Variants in ANKAR observed in about 807,000 individuals in gnomAD.
ANKAR encodes ankyrin and armadillo repeat-containing protein.
Under a neutral mutation model 146.2 loss-of-function variants are expected in ANKAR, and 136 were observed. That is an observed-to-expected ratio of 0.93 (90% CI 0.81 to 1.07). The LOEUF (loss-of-function observed/expected upper bound fraction) is 1.07. Among genes scored for constraint, ANKAR ranks in the 50% least tolerant of loss-of-function variants. The pLI, the probability that ANKAR is intolerant of heterozygous loss-of-function variation, is 0.00. For missense variants in ANKAR, 1,567 were observed against 1,679.9 expected, an observed-to-expected ratio of 0.93 and a Z score of 1.18; for synonymous variants, 500 against 575.8, an observed-to-expected ratio of 0.87 and a Z score of 1.88.
intron 21 of ANKAR, 122 bp from the exon 22 acceptor site, chr2:189,744,620 G>C (rs539732127): frequency 5.0e-6 from 3 of 603,218 alleles, no homozygotes; most frequent in African/African-American, 1.9e-5. Context: ...GAGGTAACAT[G>C]TATGAATTAG....
chr2:189,729,703 T>TGTGTGTGTGTGTGTGC (rs1480424151), intron 15 of ANKAR, among the ~76,000 whole-genome samples: 2 of 146,292 alleles, frequency 1.4e-5, no homozygotes, highest in African/African-American at 4.9e-5. Flanking sequence ...TGCGTGTGTG[T>TGTGTGTGTGTGTGTGC]GTGTGTGTGT....
At chr2:189,690,505 A>G (rs561704254) in intron 3 of ANKAR, among the ~76,000 whole-genome samples, 1 of 152,374 alleles carries the variant, frequency 6.6e-6, no homozygotes, top group East Asian at 1.9e-4. Context: ...GAAACAGGCC[A>G]TGATTAATGG....
chr2:189,751,382 C>T (rs1261962852), downstream of ANKAR, among the ~76,000 whole-genome samples: 1 of 151,636 alleles, frequency 6.6e-6, no homozygotes, highest in Non-Finnish European at 1.5e-5. Flanking sequence ...TCATCATCAG[C>T]ATACATGTAA....
At chr2:189,706,293 A>C (rs1378076859) in intron 8 of ANKAR, among the ~76,000 whole-genome samples, 2 of 152,034 alleles carry the variant, frequency 1.3e-5, no homozygotes, top group Non-Finnish European at 2.9e-5. Context: ...AGGCTGAGGC[A>C]TGAGAATCAC....
At chr2:189,708,143 G>GA (rs1041366735) in intron 9 of ANKAR, among the ~76,000 whole-genome samples, 10 of 151,940 alleles carry the variant, frequency 6.6e-5, no homozygotes, top group African/African-American at 2.4e-4. Context: ...CAGTCTAGAG[G>GA]AAAAAAATGG....
At chr2:189,689,399 T>C (rs1441750315) in intron 2 of ANKAR, 128 bp from the exon 3 acceptor site, 2 of 782,858 alleles carry the variant, frequency 2.6e-6, no homozygotes, top group African/African-American at 3.5e-5. Flanking sequence ...GTTTACAGCA[T>C]CTAATTTTTC....
chr2:189,680,330 T>A (rs1251279451), intron 2 of ANKAR, among the ~76,000 whole-genome samples: 1 of 152,210 alleles, frequency 6.6e-6, no homozygotes, highest in Non-Finnish European at 1.5e-5. Context: ...GGATCTTCTC[T>A]CTCTTTTCTT....
chr2:189,762,379 C>T (rs753683148), downstream of ANKAR, among the ~76,000 whole-genome samples: 2 of 152,188 alleles, frequency 1.3e-5, no homozygotes, highest in Non-Finnish European at 2.9e-5. Flanking sequence ...CCTTTCTCCA[C>T]CACACTAAAG....
At chr2:189,681,633 C>T (rs1475115654) in intron 2 of ANKAR, among the ~76,000 whole-genome samples, 1 of 152,190 alleles carries the variant, frequency 6.6e-6, no homozygotes, top group African/African-American at 2.4e-5. Context: ...ACTGAGCAAT[C>T]AGAATGGACG....
At chr2:189,747,582 C>T (rs1898559), downstream of ANKAR, among the ~76,000 whole-genome samples, 63 of 152,096 alleles carry the variant, frequency 4.1e-4, no homozygotes, top group African/African-American at 1.4e-3. Flanking sequence ...TGGCTTAGAA[C>T]CATATGATGT....
chr2:189,678,552 A>G (rs1412203898), intron 2 of ANKAR, among the ~76,000 whole-genome samples: 1 of 152,128 alleles, frequency 6.6e-6, no homozygotes, highest in South Asian at 2.1e-4. Flanking sequence ...ATCTTCTACA[A>G]TTTTTATGGT....
intron 15 of ANKAR, among the ~76,000 whole-genome samples, chr2:189,729,915 TA>T (rs1449351283): frequency 2.6e-5 from 4 of 152,006 alleles, no homozygotes; most frequent in Non-Finnish European, 4.4e-5. Flanking sequence ...AGAACAGAGT[TA>T]AAATTCTTTG....
chr2:189,692,302 A>G lies in ANKAR; in HGVS notation c.1087A>G (p.Arg363Gly). 6.2e-7 allele frequency: 1 copy of G among 1,613,344 alleles called. No individual in the cohort carries two copies. Among genetic ancestry groups the G allele is most frequent in the Non-Finnish European group, 8.5e-7 (1 of 1,179,760 alleles). The change falls in exon 4 of 23, where the codon AGA becomes GGA. Residue 363 changes from arginine to glycine, a missense_variant. By Grantham distance (125) the Arg-to-Gly change is moderately radical. Transcript: ENST00000684021. ...AGAATTGCCTCCATTTATTTATGGA[A>G]GAGATTTTAAATGCCAGAATTTTCA... Reference protein sequence around the residue: ...ERELPPFIYGRDFKCQNFHYK... With the variant: ...ERELPPFIYGGDFKCQNFHYK...
At position 189,743,300 on chromosome 2, in the gene ANKAR, T is replaced by C. The variant is rs1209225658; in HGVS notation, c.3836T>C (p.Leu1279Pro). The change falls in exon 21 of 23, where the codon CTT (leucine) becomes CCT (proline). Residue 1279 changes from leucine (L) to proline (P), a missense_variant. By Grantham distance (98) the Leu-to-Pro change is moderately conservative (BLOSUM62 -3). Coordinates refer to ENST00000684021, the MANE Select transcript of ANKAR (RefSeq NM_001378068.1). Reference sequence around the variant, plus strand: ...GTTCGTGCAGCTTGTTCCTCTGCTCTTGGCTACTTAACATACAATGCAAAT... The same window carrying C: ...GTTCGTGCAGCTTGTTCCTCTGCTCCTGGCTACTTAACATACAATGCAAAT... ...EEVRAACSSA[L>P]GYLTYNANAF... 2.5e-6 allele frequency: 4 copies of C among 1,614,038 alleles called. No homozygotes were observed. In the Admixed American group the frequency reaches 5.0e-5, roughly 20 times the overall value.
chr2:189,707,065 G>A lies in ANKAR; in HGVS notation c.2038G>A (p.Val680Met), dbSNP rs1314712716. The A allele has an allele frequency of 2.5e-6, 4 of 1,610,108 alleles. No individual in the cohort carries two copies. The South Asian group carries it at 4.4e-5, about 18-fold the overall frequency. Residue 680 changes from valine to methionine, a missense_variant, in exon 9 of 23, where the codon GTG (valine) becomes ATG (methionine). Val to Met is a conservative substitution (Grantham distance 21, BLOSUM62 1). Coordinates refer to ENST00000684021, the MANE Select transcript of ANKAR (RefSeq NM_001378068.1). The stretch of plus-strand genomic sequence containing the variant: ...AGGAAATAATATAATCCATTTATCA[G>A]TGTTAACCTTTCATACAGAGGTTCT... ...IKGNNIIHLS[V>M]LTFHTEVLKY... is the part of the protein sequence containing the mutation.
At position 189,745,027 on chromosome 2, in the gene ANKAR, C is replaced by CTACTACTACTACTACTAATAATAATAA. The variant is rs376824673; in HGVS notation, c.4057+241_4057+242insCTACTACTACTACTAATAATAATAATA. ...ACTACTACTACTACTACTACTACTA[C>CTACTACTACTACTACTAATAATAATAA]TAATAATACAAAAATTAGCCAGGCA... On this transcript the variant is annotated intron_variant, in intron 22 of 22. Coordinates refer to ENST00000684021, the MANE Select transcript of ANKAR (RefSeq NM_001378068.1). 5.7e-3 allele frequency among the ~76,000 whole-genome samples: 742 copies of CTACTACTACTACTACTAATAATAATAA among 131,022 alleles called. 4 individuals are homozygous for CTACTACTACTACTACTAATAATAATAA. The highest frequency in any genetic ancestry group is 0.019 in the Admixed American group (231 of 12,274). 86.0% of individuals were successfully genotyped at this position (131,022 alleles called of 152,430 possible).
chr2:189,689,808 CA>C lies in ANKAR; in HGVS notation c.890del (p.Lys297ArgfsTer17). On this transcript the variant is annotated frameshift_variant, in exon 3 of 23. Transcript: ENST00000684021. LOFTEE classifies it high-confidence loss of function. ...YQRLQQRLYLQKKIIQKHFEK... is the reference protein window; with the variant it reads ...YQRLQQRLYLXKKIIQKHFEK... ...GAGACTACAGCAAAGATTATATCTT[CA>C]AAAAAAGATTATTCAAAAACACTTT... is the stretch of plus-strand genomic sequence containing the variant. The C allele has an allele frequency of 6.3e-7, 1 of 1,599,168 alleles. No individual in the cohort carries two copies. Among genetic ancestry groups the C allele is most frequent in the Admixed American group, 1.7e-5 (1 of 57,426 alleles).
At chr2:189,699,488 AG>A (rs1432827826) in intron 7 of ANKAR, among the ~76,000 whole-genome samples, 2 of 152,164 alleles carry the variant, frequency 1.3e-5, no homozygotes, top group Non-Finnish European at 2.9e-5. Context: ...CTGTAGTGTA[AG>A]TACCTTATAA....
Position 189,720,805 on chromosome 2 carries a change from T to C in ANKAR, c.2635+18T>C. ...TGATTCAGGTGAGCTTCTATCTCTG[T>C]ATTATTTTATAATGACCAGATATAT... is the stretch of plus-strand genomic sequence containing the variant. On this transcript the variant is annotated intron_variant, in intron 12 of 22. Coordinates refer to ENST00000684021, the MANE Select transcript of ANKAR (RefSeq NM_001378068.1). 6.9e-7 allele frequency: 1 copy of C among 1,439,312 alleles called. No individual in the cohort carries two copies. Among genetic ancestry groups the C allele is most frequent in the Non-Finnish European group, 9.1e-7 (1 of 1,095,880 alleles). 89.2% of individuals were successfully genotyped at this position (1,439,312 alleles called of 1,614,324 possible).
Sources: allele counts gnomAD v4.1 joint callset (sites outside exome capture counted in the v4.1 genomes callset), GRCh38; gene constraint gnomAD v4.1.1; transcripts MANE v1.5; gene names NCBI Gene and HGNC (gene_info 2026-07-23, HGNC 2026-07-21).